ZNF112: variants seen among roughly 807,000 people sequenced by gnomAD.
ZNF112 encodes zinc finger protein 112.
Under a neutral mutation model 77.7 loss-of-function variants are expected in ZNF112, and 37 were observed. The ratio of observed to expected loss-of-function variants is 0.48; its 90% CI spans 0.37 to 0.63. The LOEUF (loss-of-function observed/expected upper bound fraction) is 0.63. ZNF112 is among the 20% of genes least tolerant of loss of function. The pLI is 0.00. For missense variants in ZNF112, 950 were observed against 1,077.4 expected (o/e 0.88, Z 1.66); for synonymous variants, 333 against 363.6 (o/e 0.92, Z 0.96).
intron 1 of ZNF112, among the ~76,000 whole-genome samples, chr19:44,341,405 C>T (rs552963003): frequency 5.9e-5 from 9 of 152,012 alleles, no homozygotes; most frequent in Non-Finnish European, 1.0e-4. Flanking sequence ...AAATAAATAC[C>T]AAAAAGTAAC....
chr19:44,336,740 CA>C (rs1438228267), intron 2 of ZNF112, 22 bp from the exon 3 acceptor site: 1 of 1,605,512 alleles, frequency 6.2e-7, no homozygotes, highest in East Asian at 2.2e-5. Flanking sequence ...GAAAGGACAG[CA>C]AAAGTTTTTA....
At chr19:44,352,665 A>G (rs1970714100) in intron 1 of ZNF112, among the ~76,000 whole-genome samples, 1 of 152,166 alleles carries the variant, frequency 6.6e-6, no homozygotes, top group South Asian at 2.1e-4. Flanking sequence ...TACAAGGTCA[A>G]TGCACAAAAA....
chr19:44,341,921 T>C (rs1410349915), intron 1 of ZNF112, among the ~76,000 whole-genome samples: 2 of 152,146 alleles, frequency 1.3e-5, no homozygotes, highest in African/African-American at 2.4e-5. Flanking sequence ...TGTAAGTCTT[T>C]CCACGCAAGT....
Position 44,329,216 on chromosome 19 carries a change from G to A in ZNF112, c.941C>T (p.Ser314Phe), listed in dbSNP as rs1461117773. The change falls in exon 4 of 4, where the codon TCC becomes TTC. Residue 314 changes from serine to phenylalanine, a missense_variant. Physicochemically the swap from Ser to Phe is radical, Grantham distance 155. Transcript: ENST00000354340. ...CTCCTCTGTATGCACTCTCTGATAG[G>A]ATTTCAGATGTGAATTCTCAATATC... ...EDDIENSHLK[S>F]YQRVHTEEKP... 1.2e-6 allele frequency: 2 copies of A among 1,613,742 alleles called. No individual in the cohort carries two copies. The highest frequency in any genetic ancestry group is 8.5e-7 in the Non-Finnish European group (1 of 1,179,964).
chr19:44,338,452 G>GT (rs1298255838), intron 2 of ZNF112, among the ~76,000 whole-genome samples: 5 of 152,138 alleles, frequency 3.3e-5, no homozygotes, highest in Non-Finnish European at 7.3e-5. Flanking sequence ...GCATAACATC[G>GT]TGACTGGGTA....
chr19:44,358,575 G>A (rs1212388942), upstream of ZNF112, among the ~76,000 whole-genome samples: 1 of 152,144 alleles, frequency 6.6e-6, no homozygotes, highest in Non-Finnish European at 1.5e-5. Context: ...CAGCACTTTT[G>A]ACACCTATAT....
upstream of ZNF112, among the ~76,000 whole-genome samples, chr19:44,360,390 A>AG (rs1970844594): frequency 6.6e-6 from 1 of 151,914 alleles, no homozygotes; most frequent in African/African-American, 2.4e-5. Flanking sequence ...TCAGAGAAAA[A>AG]AAAAGTTTGA....
chr19:44,358,133 C>CA (rs1970815563), upstream of ZNF112, among the ~76,000 whole-genome samples: 1 of 139,168 alleles, frequency 7.2e-6, no homozygotes. Flanking sequence ...GCCTGGGCAA[C>CA]AGAGCGAGAC....
chr19:44,347,485 A>ACTTTTTTTTTTTTTTTTTTTTTTTTT (rs1555804139), intron 1 of ZNF112, among the ~76,000 whole-genome samples: 1 of 40,322 alleles, frequency 2.5e-5, no homozygotes, highest in African/African-American at 7.2e-5. Flanking sequence ...TTTTGGGTTG[A>ACTTTTTTTTTTTTTTTTTTTTTTTTT]TTTTTTTTTT....
rs149567953 is a variant in ZNF112, at chr19:44,355,201, T to C, written c.-4+1425A>G. On this transcript the variant is annotated intron_variant, in intron 1 of 3. Transcript: ENST00000354340. ...CTTACAAATTTCCATAGTAAAAACT[T>C]AAGGGAAAAATAAAAGCTATGAAGC... 1.4e-4 allele frequency among the ~76,000 whole-genome samples: 21 copies of C among 152,188 alleles called. No individual in the cohort carries two copies. In the East Asian group the frequency reaches 3.3e-3, roughly 24 times the overall value.
At chr19:44,335,033 G>A (rs546871600) in intron 3 of ZNF112, among the ~76,000 whole-genome samples, 2 of 152,334 alleles carry the variant, frequency 1.3e-5, no homozygotes, top group East Asian at 1.9e-4. Flanking sequence ...AAAGATGCAG[G>A]CACTCAACGC....
At chr19:44,349,807 A>C (rs1029290143) in intron 1 of ZNF112, among the ~76,000 whole-genome samples, 1 of 152,096 alleles carries the variant, frequency 6.6e-6, no homozygotes, top group South Asian at 2.1e-4. Context: ...TGATTAGTAG[A>C]CTTTGGGCAA....
At chr19:44,359,972 T>C (rs374026590), upstream of ZNF112, among the ~76,000 whole-genome samples, 5 of 151,948 alleles carry the variant, frequency 3.3e-5, no homozygotes, top group Non-Finnish European at 5.9e-5. Context: ...AAATGACAGG[T>C]CTGGCCAGGC....
At chr19:44,342,914 G>C (rs185102246) in intron 1 of ZNF112, among the ~76,000 whole-genome samples, 1 of 151,718 alleles carries the variant, frequency 6.6e-6, no homozygotes, top group African/African-American at 2.4e-5. Flanking sequence ...AAAATTAAGC[G>C]GATAAAAATT....
At chr19:44,345,113 A>C (rs373501145) in intron 1 of ZNF112, among the ~76,000 whole-genome samples, 1 of 152,320 alleles carries the variant, frequency 6.6e-6, no homozygotes, top group African/African-American at 2.4e-5. Flanking sequence ...TTTAAAAAAA[A>C]CCAATGCCCA....
intron 1 of ZNF112, 97 bp from the exon 2 acceptor site, chr19:44,340,639 G>A: frequency 6.4e-7 from 1 of 1,558,596 alleles, no homozygotes; most frequent in Non-Finnish European, 8.8e-7. Context: ...TGGGCAACTT[G>A]AGTCACATTT....
At chr19:44,363,565 A>G (rs190676600) in intron 1 of ZNF112, among the ~76,000 whole-genome samples, 1 of 152,296 alleles carries the variant, frequency 6.6e-6, no homozygotes, top group Admixed American at 6.5e-5. Context: ...TCTGTATTAC[A>G]ATTCTTTGAG....
At chr19:44,360,395 G>C (rs1436765177), upstream of ZNF112, among the ~76,000 whole-genome samples, 12 of 141,946 alleles carry the variant, frequency 8.5e-5, no homozygotes, top group East Asian at 2.6e-3. Flanking sequence ...GAAAAAAAAA[G>C]TTTGATTAAT....
upstream of ZNF112, among the ~76,000 whole-genome samples, chr19:44,358,316 A>G (rs1456946056): frequency 6.6e-6 from 1 of 152,180 alleles, no homozygotes; most frequent in Non-Finnish European, 1.5e-5. Flanking sequence ...GAAATTTTAA[A>G]AATAAAAGGG....
Sources: gnomAD v4.1 joint callset for allele counts (sites outside exome capture counted in the v4.1 genomes callset) on GRCh38, gnomAD v4.1.1 for gene constraint, MANE v1.5 for transcripts, NCBI Gene and HGNC (gene_info 2026-07-23, HGNC 2026-07-21) for gene names.